The following PIGQ variants were observed in gnomAD, a reference collection of about 807,000 sequenced individuals.
PIGQ encodes the protein phosphatidylinositol glycan anchor biosynthesis class Q, also known as phosphatidylinositol N-acetylglucosaminyltransferase subunit Q.
Under a neutral mutation model 60.3 loss-of-function variants are expected in PIGQ, and 54 were observed. That is an observed-to-expected ratio of 0.90 (90% confidence interval 0.72 to 1.12). The LOEUF is 1.12. PIGQ is among the 50% of genes most tolerant of loss of function. PIGQ has a pLI of 0.00. For synonymous variants in PIGQ, 416 were observed against 363.7 expected, an observed-to-expected ratio of 1.14 and a Z score of -1.64; for missense variants, 799 against 793.5, an observed-to-expected ratio of 1.01 and a Z score of -0.08.
At position 583,493 on chromosome 16, in the gene PIGQ, T is replaced by C. The variant is rs1365527195; in HGVS notation, c.*458T>C. 12 of 1,612,516 alleles carry C rather than the reference T, an allele frequency of 7.4e-6. No homozygotes were observed. The highest frequency in any genetic ancestry group is 1.0e-5 in the Non-Finnish European group (12 of 1,179,900). Reference sequence around the variant, plus strand: ...ATGAACCCCCCAGTCCCAGGCACCCTCTAGCTCCCTCAGCCGAACAGCACC... The same window carrying C: ...ATGAACCCCCCAGTCCCAGGCACCCCCTAGCTCCCTCAGCCGAACAGCACC... On this transcript the variant is annotated 3_prime_UTR_variant, in exon 11 of 11. Transcript: ENST00000321878.
chr16:580,744 T>TC, intron 8 of PIGQ, 114 bp from the exon 9 acceptor site: 1 of 700,502 alleles, frequency 1.4e-6, no homozygotes, highest in South Asian at 1.5e-5. Flanking sequence ...GTCCCTGCTC[T>TC]CCCCAGGACC....
At chr16:579,040 G>A in intron 6 of PIGQ, 29 bp from the exon 7 acceptor site, 1 of 1,486,758 alleles carries the variant, frequency 6.7e-7, no homozygotes, top group African/African-American at 1.4e-5. Context: ...GCGGGGCGGG[G>A]CCGGGCCCGA....
chr16:581,387 G>A (rs962369913), intron 9 of PIGQ: 3 of 1,148,880 alleles, frequency 2.6e-6, no homozygotes, highest in Non-Finnish European at 3.3e-6. Context: ...CCACTCAACA[G>A]CACAGCCTGC....
chr16:580,167 T>C lies in PIGQ; in HGVS notation c.1336-16T>C, dbSNP rs2035789199. 5 of 1,604,398 alleles carry C rather than the reference T, an allele frequency of 3.1e-6. No individual in the cohort carries two copies. The highest frequency in any genetic ancestry group is 1.7e-5 in the Admixed American group (1 of 59,630). On this transcript the variant is annotated splice_polypyrimidine_tract_variant and intron_variant, in intron 7 of 10. Transcript: ENST00000321878. ...GGGGTCCTGCTGATGCCCGGTGTGC[T>C]GGCCCCTCCCTACAGCTGTTCATCG...
chr16:578,307 G>C, intron 4 of PIGQ, 72 bp from the exon 5 acceptor site: 1 of 1,520,016 alleles, frequency 6.6e-7, no homozygotes, highest in Non-Finnish European at 8.8e-7. Flanking sequence ...AGCCCATCAC[G>C]AAAGAGCCTG....
rs536571246 is a variant in PIGQ at position 574,024 on chromosome 16, G to A, written c.-9-42G>A. The stretch of plus-strand genomic sequence containing the variant: ...ACATCCCGCAGCCCACGGTGGGGGG[G>A]CAGCAGCAGCTCTGAGCCGAGCCTC... On this transcript the variant is annotated intron_variant, in intron 1 of 10. Transcript: ENST00000321878. 7 of 1,400,868 alleles carry A rather than the reference G, an allele frequency of 5.0e-6. No homozygotes were observed. In the South Asian group the frequency reaches 6.5e-5, roughly 13 times the overall value. The allele number at this position is 1,400,868 out of a possible 1,614,324, so 86.8% of individuals were successfully genotyped here.
Position 583,618 on chromosome 16 carries a change from G to T in PIGQ, c.*583G>T. ...GGGGTTTATTTGCGGATGTTCCCTGGAGAGGTCGCTTTGTGAAGAAACCAT... is the reference window on the plus strand; with the variant it reads ...GGGGTTTATTTGCGGATGTTCCCTGTAGAGGTCGCTTTGTGAAGAAACCAT... On this transcript the variant is annotated 3_prime_UTR_variant, in exon 11 of 11. Transcript: ENST00000321878. The T allele has an allele frequency of 3.1e-6, 5 of 1,612,742 alleles. No individual in the cohort carries two copies. The highest frequency in any genetic ancestry group is 4.2e-6 in the Non-Finnish European group (5 of 1,179,950).
intron 10 of PIGQ, 180 bp from the exon 11 acceptor site, chr16:582,703 C>T (rs1471979068): frequency 7.0e-6 from 5 of 713,564 alleles, no homozygotes; most frequent in African/African-American, 1.8e-5. Flanking sequence ...CTCCCCCCAG[C>T]GCTCCCTTCT....
At position 574,200 on chromosome 16, in the gene PIGQ, C is replaced by T. The variant is rs1423642196; in HGVS notation, c.126C>T (p.Pro42=). 3.1e-6 allele frequency: 5 copies of T among 1,612,498 alleles called. No homozygotes were observed. The highest frequency in any genetic ancestry group is 3.4e-6 in the Non-Finnish European group (4 of 1,179,808). ...VLAVLHFPFI[P]IQVKQLLAQV... ...CGGTCCTGCACTTTCCCTTCATCCCCATCCAGGTCAAGCAGCTCCTGGCCC... is the reference window on the plus strand; with the variant it reads ...CGGTCCTGCACTTTCCCTTCATCCCTATCCAGGTCAAGCAGCTCCTGGCCC... Residue 42 remains proline, a synonymous_variant, in exon 2 of 11, where the codon CCC becomes CCT. Coordinates refer to ENST00000321878, the MANE Select transcript of PIGQ (RefSeq NM_004204.5).
chr16:583,774 G>A lies in PIGQ; in HGVS notation c.*739G>A, dbSNP rs140193814. 1,823 of 950,230 alleles carry A rather than the reference G, an allele frequency of 1.9e-3. 26 individuals are homozygous for A. The Admixed American group carries it at 0.023, about 12-fold the overall frequency. 58.9% of individuals were successfully genotyped at this position (950,230 alleles called of 1,614,324 possible). ...AGCAGCAGGTCCTGCGGCCAAATCT[G>A]TCTCCCTTCATGGGCCTCCCAGGGA... is the stretch of plus-strand genomic sequence containing the variant. On this transcript the variant is annotated 3_prime_UTR_variant, in exon 11 of 11. Transcript: ENST00000321878.
intron 2 of PIGQ, among the ~76,000 whole-genome samples, chr16:575,188 G>A: frequency 6.6e-6 from 1 of 152,204 alleles, no homozygotes; most frequent in East Asian, 1.9e-4. Flanking sequence ...CATGGGCTGT[G>A]GGGGTGTCAT....
At chr16:578,159 C>G in intron 4 of PIGQ, 1 of 509,122 alleles carries the variant, frequency 2.0e-6, no homozygotes. Flanking sequence ...CCGGCCATGT[C>G]ACCCAGGCCT....
rs771528045 is a variant in PIGQ at position 582,322 on chromosome 16, G to A, written c.1593+13G>A. On this transcript the variant is annotated intron_variant, in intron 10 of 10. Coordinates refer to ENST00000321878, the MANE Select transcript of PIGQ (RefSeq NM_004204.5). ...CCTCCTGATGCAGGTGAGGCCCCTTGTGGCCAGGACGCCCCTACGCTGCTG... is the reference window on the plus strand; with the variant it reads ...CCTCCTGATGCAGGTGAGGCCCCTTATGGCCAGGACGCCCCTACGCTGCTG... 3.2e-6 allele frequency: 5 copies of A among 1,586,734 alleles called. 1 individual carries two copies. In the South Asian group the frequency reaches 5.7e-5, roughly 18 times the overall value.
rs998730490 is a variant in PIGQ, at chr16:583,288, G to T, written c.*253G>T. ...CCTTGGGACCCGCTTCCCACCTGCT[G>T]CGGTCACCATGGTGGCGAGCACAGC... is the stretch of plus-strand genomic sequence containing the variant. On this transcript the variant is annotated 3_prime_UTR_variant, in exon 11 of 11. Coordinates refer to ENST00000321878, the MANE Select transcript of PIGQ (RefSeq NM_004204.5). 61 of 1,612,786 alleles carry T rather than the reference G, an allele frequency of 3.8e-5. No homozygotes were observed. The highest frequency in any genetic ancestry group is 4.5e-5 in the Non-Finnish European group (53 of 1,179,974).
At chr16:572,746 C>T in intron 1 of PIGQ, 1 of 456,070 alleles carries the variant, frequency 2.2e-6, no homozygotes, top group South Asian at 1.5e-5. Context: ...GTGGTGGGCA[C>T]TGGGACCTCC....
rs768321226 is a variant in PIGQ, at chr16:574,308, C to T, written c.234C>T (p.Gly78=). 3.1e-6 allele frequency: 5 copies of T among 1,606,254 alleles called. No individual in the cohort carries two copies. The highest frequency in any genetic ancestry group is 3.4e-6 in the Non-Finnish European group (4 of 1,179,044). The change falls in exon 2 of 11, where the codon GGC becomes GGT. Residue 78 remains glycine (G), a synonymous_variant. Coordinates refer to ENST00000321878, the MANE Select transcript of PIGQ (RefSeq NM_004204.5). ...GGCAGGAGCCCGAGGAGAGCCTGGG[C>T]CGCTTCCTGGAGAGCCTGGGTGCTG... ...HCRQEPEESL[G]RFLESLGAVF... is the part of the protein sequence containing the mutation.
chr16:582,395 C>A, intron 10 of PIGQ, 86 bp downstream of exon 10: 1 of 997,882 alleles, frequency 1.0e-6, no homozygotes, highest in Non-Finnish European at 1.5e-6. Context: ...GTCTGGGTGG[C>A]ACCACGCCAG....
At chr16:571,090 T>C (rs1236463248) in intron 1 of PIGQ, among the ~76,000 whole-genome samples, 2 of 32,290 alleles carry the variant, frequency 6.2e-5, no homozygotes, top group African/African-American at 2.5e-4. Context: ...TGTGTGTGTG[T>C]GTGTGTGTGT....
rs1222201425 is a variant in PIGQ, at chr16:583,668, C to G, written c.*633C>G. 1.2e-6 allele frequency: 2 copies of G among 1,610,242 alleles called. No individual in the cohort carries two copies. Among genetic ancestry groups the G allele is most frequent in the African/African-American group, 2.7e-5 (2 of 74,906 alleles). On this transcript the variant is annotated 3_prime_UTR_variant, in exon 11 of 11. Transcript: ENST00000321878. Reference sequence around the variant, plus strand: ...TCAGCAGGCTGTGAGCATCGCCAGGCTGCTGTGGGGGCGGGAGCAGCCTCA... The same window carrying G: ...TCAGCAGGCTGTGAGCATCGCCAGGGTGCTGTGGGGGCGGGAGCAGCCTCA...
Sources: allele counts gnomAD v4.1 joint callset (sites outside exome capture counted in the v4.1 genomes callset), GRCh38; gene constraint gnomAD v4.1.1; transcripts MANE v1.5; gene names NCBI Gene and HGNC (gene_info 2026-07-23, HGNC 2026-07-21).